POU2F2: variants seen among roughly 807,000 people sequenced by gnomAD.
The protein encoded by POU2F2 is POU domain, class 2, transcription factor 2.
In POU2F2, 14 loss-of-function variants were observed where a neutral mutation model predicts 63.5. The observed-to-expected ratio is 0.22, with a 90% CI of 0.15 to 0.34. POU2F2 has a LOEUF of 0.34. Among genes scored for constraint, POU2F2 ranks in the 10% least tolerant of loss-of-function variants. The pLI, the probability that POU2F2 is intolerant of heterozygous loss-of-function variation, is 1.00. For missense variants in POU2F2, 607 were observed against 815.2 expected, an observed-to-expected ratio of 0.74 and a Z score of 3.11; for synonymous variants, 306 against 348.6, an observed-to-expected ratio of 0.88 and a Z score of 1.36.
intron 11 of POU2F2, among the ~76,000 whole-genome samples, chr19:42,094,617 C>A (rs1006624936): frequency 1.3e-5 from 2 of 152,218 alleles, no homozygotes; most frequent in African/African-American, 4.8e-5. Context: ...AACTGCAGCA[C>A]CAACCACACT....
At chr19:42,166,670 GA>G (rs2034657792) in intron 1 of POU2F2, among the ~76,000 whole-genome samples, 1 of 152,094 alleles carries the variant, frequency 6.6e-6, no homozygotes, top group African/African-American at 2.4e-5. Flanking sequence ...GAGTAAGGAG[GA>G]GTTGATTGGA....
At chr19:42,098,707 G>A (rs1168988887) in intron 7 of POU2F2, among the ~76,000 whole-genome samples, 1 of 152,170 alleles carries the variant, frequency 6.6e-6, no homozygotes, top group Non-Finnish European at 1.5e-5. Flanking sequence ...ACCTGTATTA[G>A]TCTCTAACTC....
At chr19:42,180,585 C>A (rs1231276891), upstream of POU2F2, among the ~76,000 whole-genome samples, 3 of 152,126 alleles carry the variant, frequency 2.0e-5, no homozygotes. Flanking sequence ...ATGTCCTGTT[C>A]CCTGCCTTGG....
At chr19:42,107,410 G>A (rs2030283801) in intron 5 of POU2F2, among the ~76,000 whole-genome samples, 2 of 152,118 alleles carry the variant, frequency 1.3e-5, no homozygotes, top group African/African-American at 4.8e-5. Context: ...CATATTTTGA[G>A]TGGTCATAAA....
intron 1 of POU2F2, among the ~76,000 whole-genome samples, chr19:42,193,054 A>G (rs1295089568): frequency 6.6e-6 from 1 of 151,226 alleles, no homozygotes; most frequent in East Asian, 1.9e-4. Context: ...TCCCGTCTCT[A>G]CTAAAAATAC....
At chr19:42,098,102 G>A (rs903274260) in intron 7 of POU2F2, among the ~76,000 whole-genome samples, 1 of 152,084 alleles carries the variant, frequency 6.6e-6, no homozygotes, top group African/African-American at 2.4e-5. Context: ...CACCGTGCCT[G>A]TTTCAGTTTT....
intron 1 of POU2F2, among the ~76,000 whole-genome samples, chr19:42,127,252 C>T (rs1359594596): frequency 2.0e-5 from 3 of 151,922 alleles, no homozygotes; most frequent in Non-Finnish European, 4.4e-5. Context: ...ACCATGCCTG[C>T]ACTTTGCCAT....
At chr19:42,159,711 T>C (rs1363579691) in intron 2 of POU2F2, among the ~76,000 whole-genome samples, 1 of 152,192 alleles carries the variant, frequency 6.6e-6, no homozygotes, top group African/African-American at 2.4e-5. Context: ...AAAACCTTCT[T>C]TGTTCAGGGG....
chr19:42,117,108 ACCT>A lies in POU2F2; in HGVS notation c.369+139_369+141del. On this transcript the variant is annotated intron_variant, in intron 5 of 14. Coordinates refer to ENST00000692977, the MANE Select transcript of POU2F2 (RefSeq NM_001394376.1). This position sits in a 1 kb window ranked among gnomAD's most constrained non-coding sequence, Gnocchi z 4.4. ...TAAGCCAAGCAAGTAAGGGGACAAGACCTCCTAGAGGACAGAAGAGGGCAAGAG... is the reference window on the plus strand; with the variant it reads ...TAAGCCAAGCAAGTAAGGGGACAAGACCTAGAGGACAGAAGAGGGCAAGAG... The A allele has an allele frequency of 2.7e-6, 2 of 730,526 alleles. No homozygotes were observed. Among genetic ancestry groups the A allele is most frequent in the South Asian group, 3.5e-5 (2 of 56,676 alleles). 45.3% of individuals were successfully genotyped at this position (730,526 alleles called of 1,614,324 possible).
At chr19:42,143,606 G>C (rs1210236039) in intron 2 of POU2F2, among the ~76,000 whole-genome samples, 1 of 152,162 alleles carries the variant, frequency 6.6e-6, no homozygotes, top group African/African-American at 2.4e-5. Flanking sequence ...CCAGCAAAGC[G>C]AGCCAGCTTC....
At chr19:42,106,974 T>C (rs1229808637) in intron 5 of POU2F2, among the ~76,000 whole-genome samples, 1 of 151,940 alleles carries the variant, frequency 6.6e-6, no homozygotes, top group African/African-American at 2.4e-5. Flanking sequence ...GGCAGTAAGC[T>C]ATGATCACAC....
In POU2F2 at chr19:42,087,477, G is replaced by A. The variant is rs1303428390; in HGVS notation, c.*3780C>T. On this transcript the variant is annotated 3_prime_UTR_variant, in exon 15 of 15. Coordinates refer to ENST00000692977, the MANE Select transcript of POU2F2 (RefSeq NM_001394376.1). ...AAACTCATATCCTTCCCCTCCTCCT[G>A]ATCTCAGCCCCAACTCCTACTGGGG... The A allele has an allele frequency of 6.6e-6, 1 of 151,652 alleles. No homozygotes were observed. The highest frequency in any genetic ancestry group is 1.9e-4 in the East Asian group (1 of 5,174). 9.4% of individuals were successfully genotyped at this position (151,652 alleles called of 1,614,324 possible).
intron 1 of POU2F2, among the ~76,000 whole-genome samples, chr19:42,129,558 A>G (rs570214343): frequency 6.6e-6 from 1 of 152,270 alleles, no homozygotes; most frequent in East Asian, 1.9e-4. Flanking sequence ...CTAAATATAG[A>G]GGGCCCAAGG....
chr19:42,130,094 A>C (rs1156552706), intron 1 of POU2F2, among the ~76,000 whole-genome samples: 3 of 152,148 alleles, frequency 2.0e-5, no homozygotes, highest in Non-Finnish European at 2.9e-5. Context: ...TGAGTGACAC[A>C]CAGCCAGCCA....
intron 14 of POU2F2, 44 bp downstream of exon 14, chr19:42,091,823 G>C (rs2076726974): frequency 6.5e-7 from 1 of 1,540,482 alleles, no homozygotes; most frequent in South Asian, 1.2e-5. Context: ...AGGCCCCAGA[G>C]GATAGGGCTG....
At chr19:42,157,651 G>A in intron 2 of POU2F2, 1 of 152,268 alleles carries the variant, frequency 6.6e-6, no homozygotes, top group East Asian at 1.9e-4. Context: ...AGAGGCTTCT[G>A]AGAGCAGACA....
upstream of POU2F2, among the ~76,000 whole-genome samples, chr19:42,180,473 T>G (rs2034948398): frequency 6.6e-6 from 1 of 152,072 alleles, no homozygotes; most frequent in South Asian, 2.1e-4. Context: ...CCCAGCAGAC[T>G]CCCAGGTCCC....
At chr19:42,109,207 C>T (rs1017667762) in intron 5 of POU2F2, among the ~76,000 whole-genome samples, 1 of 152,206 alleles carries the variant, frequency 6.6e-6, no homozygotes, top group African/African-American at 2.4e-5. Context: ...CCGGCTGCAA[C>T]GGCCCAGGTG....
upstream of POU2F2, among the ~76,000 whole-genome samples, chr19:42,180,290 C>A (rs2034946432): frequency 6.6e-6 from 1 of 152,122 alleles, no homozygotes; most frequent in African/African-American, 2.4e-5. Flanking sequence ...TGGTGATCCA[C>A]AAAGGCACAT....
Sources: allele counts gnomAD v4.1 joint callset (sites outside exome capture counted in the v4.1 genomes callset), GRCh38; gene constraint gnomAD v4.1.1; non-coding constraint Gnocchi (gnomAD v3.1); transcripts MANE v1.5; gene names NCBI Gene and HGNC (gene_info 2026-07-23, HGNC 2026-07-21).